The following HOOK3 variants were observed in gnomAD, a reference collection of about 807,000 sequenced individuals.
HOOK3 encodes protein Hook homolog 3.
Under a neutral mutation model 116.3 loss-of-function variants are expected in HOOK3, and 24 were observed. The ratio of observed to expected loss-of-function variants is 0.21; its 90% CI spans 0.15 to 0.29. HOOK3 has a LOEUF of 0.29. Ranked by LOEUF, HOOK3 falls within the 10% of genes least tolerant of loss-of-function variation. HOOK3 has a pLI of 1.00. For missense variants in HOOK3, 632 were observed against 830.2 expected (o/e 0.76, Z 2.93); for synonymous variants, 275 against 283.0 (o/e 0.97, Z 0.28).
At chr8:42,941,848 C>T (rs1808134311) in intron 4 of HOOK3, among the ~76,000 whole-genome samples, 1 of 152,066 alleles carries the variant, frequency 6.6e-6, no homozygotes, top group Non-Finnish European at 1.5e-5. Flanking sequence ...GACGACTTTG[C>T]CCATGGTAAC....
Position 42,950,461 on chromosome 8 carries a change from T to C in HOOK3, c.468+6T>C. 6.3e-7 allele frequency: 1 copy of C among 1,592,194 alleles called. No homozygotes were observed. Among genetic ancestry groups the C allele is most frequent in the Non-Finnish European group, 8.6e-7 (1 of 1,161,082 alleles). On this transcript the variant is annotated splice_donor_region_variant and intron_variant, in intron 6 of 21. Coordinates refer to ENST00000307602, the MANE Select transcript of HOOK3 (RefSeq NM_032410.4). ...TCATGACAGCCATTCAAGAGGTATG[T>C]TGGAGCTTCATGCTTATAGTTTATG...
In HOOK3 at chr8:42,997,703, T is replaced by C. The variant is rs551349567; in HGVS notation, c.1620+66T>C. ...CAATGTTGAGAAATAACTTTTATTT[T>C]TTATTTGATGTTTTTTGTCAAAATA... On this transcript the variant is annotated intron_variant, in intron 16 of 21. Transcript: ENST00000307602. 57 of 901,250 alleles carry C rather than the reference T, an allele frequency of 6.3e-5. No individual in the cohort carries two copies. The East Asian group carries it at 1.4e-3, about 22-fold the overall frequency. The allele number at this position is 901,250 out of a possible 1,614,324, so 55.8% of individuals were successfully genotyped here. A position where few individuals can be genotyped will look rare whatever the true frequency, so the allele number is the denominator to read the frequency against.
At chr8:42,952,142 C>A (rs1428458495) in intron 6 of HOOK3, among the ~76,000 whole-genome samples, 1 of 152,178 alleles carries the variant, frequency 6.6e-6, no homozygotes, top group Non-Finnish European at 1.5e-5. Context: ...GGTCTCCAGG[C>A]CACCCTGTCA....
chr8:42,982,132 G>A (rs1434477696), intron 13 of HOOK3, among the ~76,000 whole-genome samples: 1 of 150,942 alleles, frequency 6.6e-6, no homozygotes, highest in Non-Finnish European at 1.5e-5. Flanking sequence ...GCGGGCGCCT[G>A]TAATCCCAGC....
chr8:42,910,813 G>A (rs946792718), intron 2 of HOOK3, among the ~76,000 whole-genome samples: 22 of 152,228 alleles, frequency 1.4e-4, no homozygotes, highest in Non-Finnish European at 7.3e-5. Context: ...AGGTTGGTAA[G>A]TGGGGAAAAC....
In HOOK3 at chr8:43,030,509, A is replaced by G; in HGVS notation, c.*12011A>G. On this transcript the variant is annotated 3_prime_UTR_variant, in exon 22 of 22. Transcript: ENST00000307602. ...GCAAAAAGTGTACAGTTGTTAAACA[A>G]GTTGTAAATAAAGACTTGTATAAAA... 5.8e-6 allele frequency: 1 copy of G among 173,698 alleles called. No individual in the cohort carries two copies. The highest frequency in any genetic ancestry group is 1.0e-4 in the East Asian group (1 of 9,778). The allele number at this position is 173,698 out of a possible 1,614,324, so 10.8% of individuals were successfully genotyped here.
chr8:42,917,841 A>C (rs1807562525), intron 2 of HOOK3, among the ~76,000 whole-genome samples: 1 of 152,182 alleles, frequency 6.6e-6, no homozygotes, highest in Admixed American at 6.5e-5. Flanking sequence ...TGTATTGTTT[A>C]TTTTGACTTA....
intron 7 of HOOK3, among the ~76,000 whole-genome samples, chr8:42,958,395 T>C (rs969984572): frequency 6.6e-6 from 1 of 152,108 alleles, no homozygotes; most frequent in African/African-American, 2.4e-5. Flanking sequence ...TTTTTTTTCA[T>C]ACTTTGCTAA....
intron 11 of HOOK3, among the ~76,000 whole-genome samples, chr8:42,971,290 A>G (rs893456810): frequency 6.6e-6 from 1 of 152,142 alleles, no homozygotes; most frequent in Non-Finnish European, 1.5e-5. Context: ...AGACAGAGTC[A>G]GAGTCTCGCT....
intron 1 of HOOK3, among the ~76,000 whole-genome samples, chr8:42,905,293 TTC>T (rs1486593207): frequency 6.5e-5 from 9 of 139,156 alleles, no homozygotes; most frequent in Non-Finnish European, 1.4e-4. Context: ...TAGGACATAG[TTC>T]TTTTTTTTTT....
chr8:43,016,411 C>T (rs1020415020), intron 21 of HOOK3, among the ~76,000 whole-genome samples: 4 of 152,176 alleles, frequency 2.6e-5, no homozygotes, highest in South Asian at 2.1e-4. Context: ...TGAGCCACCG[C>T]GCCCGGCCAG....
chr8:42,965,723 C>T (rs1808621430), intron 9 of HOOK3, among the ~76,000 whole-genome samples: 1 of 152,022 alleles, frequency 6.6e-6, no homozygotes, highest in African/African-American at 2.4e-5. Context: ...TGTTATTCCT[C>T]AGTGAAATGT....
chr8:42,912,187 C>G (rs900184474), intron 2 of HOOK3, among the ~76,000 whole-genome samples: 5 of 152,106 alleles, frequency 3.3e-5, no homozygotes, highest in African/African-American at 1.2e-4. Context: ...CTCATTTTGT[C>G]TGAGCTGACA....
intron 14 of HOOK3, among the ~76,000 whole-genome samples, chr8:42,986,339 TAAG>T (rs1809048803): frequency 6.6e-6 from 1 of 152,208 alleles, no homozygotes; most frequent in Non-Finnish European, 1.5e-5. Flanking sequence ...TGTTCTCTGA[TAAG>T]AATCAGATAA....
chr8:43,003,461 T>C (rs1809415366), intron 17 of HOOK3, among the ~76,000 whole-genome samples: 1 of 152,186 alleles, frequency 6.6e-6, no homozygotes. Context: ...TCTCATTCCT[T>C]TATGGCAAAA....
At chr8:42,919,484 T>C (rs1807606282) in intron 2 of HOOK3, among the ~76,000 whole-genome samples, 3 of 138,954 alleles carry the variant, frequency 2.2e-5, no homozygotes, top group Admixed American at 2.1e-4. Flanking sequence ...GAGGGGCTCC[T>C]CACATCCCAG....
rs180959901 is a variant in HOOK3 at position 42,955,091 on chromosome 8, T to C, written c.469-2003T>C. ...AACTTTATTAATAGTGACACCAGTTTTGTGGTTTTTAAATTTCTTTTACCC... is the reference window on the plus strand; with the variant it reads ...AACTTTATTAATAGTGACACCAGTTCTGTGGTTTTTAAATTTCTTTTACCC... On this transcript the variant is annotated intron_variant, in intron 6 of 21. Transcript: ENST00000307602. Among the ~76,000 whole-genome samples, 5 of 152,300 alleles carry C rather than the reference T, an allele frequency of 3.3e-5. No homozygotes were observed. The East Asian group carries it at 9.6e-4, about 29-fold the overall frequency.
rs1809929142 is a variant in HOOK3, at chr8:43,026,108, GGTAACTAGCT to G, written c.*7611_*7620del. 1 of 208,204 alleles carries G rather than the reference GGTAACTAGCT, an allele frequency of 4.8e-6. No individual in the cohort carries two copies. The highest frequency in any genetic ancestry group is 7.3e-5 in the East Asian group (1 of 13,750). 12.9% of individuals were successfully genotyped at this position (208,204 alleles called of 1,614,324 possible). ...TCCAGGTAGGCGTTAACACTTGAGT[GGTAACTAGCT>G]TGATGAAGGAAAATAATTACTTTAG... On this transcript the variant is annotated 3_prime_UTR_variant, in exon 22 of 22. Coordinates refer to ENST00000307602, the MANE Select transcript of HOOK3 (RefSeq NM_032410.4).
In HOOK3 at chr8:43,026,235, AG is replaced by A; in HGVS notation, c.*7738del. The A allele has an allele frequency of 5.0e-6, 1 of 201,008 alleles. No individual in the cohort carries two copies. The highest frequency in any genetic ancestry group is 7.7e-5 in the East Asian group (1 of 12,942). 12.5% of individuals were successfully genotyped at this position (201,008 alleles called of 1,614,324 possible). On this transcript the variant is annotated 3_prime_UTR_variant, in exon 22 of 22. Coordinates refer to ENST00000307602, the MANE Select transcript of HOOK3 (RefSeq NM_032410.4). ...AGTGATTACTCCGTGTACATTCTAT[AG>A]TGTGTGTATTTTATTTAGTGTCTTA...
Sources: allele counts gnomAD v4.1 joint callset (sites outside exome capture counted in the v4.1 genomes callset), GRCh38; gene constraint gnomAD v4.1.1; transcripts MANE v1.5; gene names NCBI Gene and HGNC (gene_info 2026-07-23, HGNC 2026-07-21).